Variants in CAMTA1 observed in about 807,000 individuals in gnomAD.
The protein encoded by CAMTA1 is calmodulin binding transcription activator 1.
In CAMTA1, 27 loss-of-function variants were observed where a neutral mutation model predicts 170.9. The observed-to-expected ratio is 0.16, with a 90% confidence interval of 0.12 to 0.22. The LOEUF (loss-of-function observed/expected upper bound fraction) is 0.22, where lower values mean the gene tolerates loss of function less well. Among genes scored for constraint, CAMTA1 ranks in the 10% least tolerant of loss-of-function variants. CAMTA1 has a pLI of 1.00. For synonymous variants in CAMTA1, 833 were observed against 891.5 expected, an observed-to-expected ratio of 0.93 and a Z score of 1.17; for missense variants, 1,619 against 2,217.2, an observed-to-expected ratio of 0.73 and a Z score of 5.42.
intron 3 of CAMTA1, among the ~76,000 whole-genome samples, chr1:6,868,969 A>G (rs960982185): frequency 1.1e-4 from 17 of 152,190 alleles, no homozygotes; most frequent in African/African-American, 4.1e-4. Flanking sequence ...CTTACTAGTT[A>G]CAAAGAGACA....
intron 6 of CAMTA1, among the ~76,000 whole-genome samples, chr1:7,599,370 G>A (rs1349007597): frequency 3.9e-5 from 6 of 152,184 alleles, no homozygotes; most frequent in African/African-American, 1.4e-4. Flanking sequence ...AAGTCAGGTA[G>A]CGTGATGCCT....
At chr1:7,476,171 G>A (rs1374041680) in intron 6 of CAMTA1, among the ~76,000 whole-genome samples, 2 of 152,196 alleles carry the variant, frequency 1.3e-5, no homozygotes, top group Admixed American at 6.5e-5. Flanking sequence ...CTTGGACCTC[G>A]GCAGGGGACA....
At chr1:7,266,232 T>C (rs1444877872) in intron 5 of CAMTA1, among the ~76,000 whole-genome samples, 6 of 152,162 alleles carry the variant, frequency 3.9e-5, no homozygotes, top group South Asian at 4.1e-4. Context: ...CATGGTTCAG[T>C]TGCGGCCAGA....
intron 3 of CAMTA1, among the ~76,000 whole-genome samples, chr1:6,976,829 G>A (rs1339405336): frequency 6.6e-6 from 1 of 152,208 alleles, no homozygotes; most frequent in Non-Finnish European, 1.5e-5. Context: ...CACTTGTTGT[G>A]GGAGGGACTC....
chr1:6,791,553 T>C (rs768220771), intron 1 of CAMTA1, among the ~76,000 whole-genome samples: 3 of 152,314 alleles, frequency 2.0e-5, no homozygotes, highest in Non-Finnish European at 4.4e-5. Context: ...CACAGCCAAG[T>C]ATATTATTTC....
chr1:6,861,903 T>C (rs1664833096), intron 3 of CAMTA1, among the ~76,000 whole-genome samples: 1 of 151,868 alleles, frequency 6.6e-6, no homozygotes, highest in Non-Finnish European at 1.5e-5. Context: ...CCTTTTACTG[T>C]CTGTCTGTAT....
At chr1:7,117,441 C>A (rs142764431) in intron 4 of CAMTA1, among the ~76,000 whole-genome samples, 5 of 152,268 alleles carry the variant, frequency 3.3e-5, no homozygotes, top group African/African-American at 1.2e-4. Flanking sequence ...GTAATGAGCA[C>A]CTGTGGCCCG....
At chr1:7,458,977 C>A (rs1238748476) in intron 5 of CAMTA1, among the ~76,000 whole-genome samples, 1 of 152,238 alleles carries the variant, frequency 6.6e-6, no homozygotes, top group Non-Finnish European at 1.5e-5. Context: ...TGAATTGAAT[C>A]ATTTGGTCTA....
intron 6 of CAMTA1, among the ~76,000 whole-genome samples, chr1:7,486,056 A>G (rs548754078): frequency 6.6e-6 from 1 of 152,338 alleles, no homozygotes; most frequent in South Asian, 2.1e-4. Flanking sequence ...TCCAGAAGTG[A>G]CGTTTGCATA....
At chr1:6,891,454 C>G (rs1485634145) in intron 3 of CAMTA1, among the ~76,000 whole-genome samples, 5 of 152,204 alleles carry the variant, frequency 3.3e-5, no homozygotes, top group African/African-American at 1.2e-4. Context: ...TGCCCTGTGT[C>G]TGTGGTCATT....
At chr1:7,675,663 T>G (rs962428452) in intron 10 of CAMTA1, among the ~76,000 whole-genome samples, 1 of 152,080 alleles carries the variant, frequency 6.6e-6, no homozygotes, top group Non-Finnish European at 1.5e-5. Context: ...GCGCTGATGT[T>G]GCCTTCGACA....
intron 4 of CAMTA1, among the ~76,000 whole-genome samples, chr1:7,156,246 C>T (rs999347470): frequency 2.7e-5 from 4 of 149,874 alleles, no homozygotes; most frequent in Non-Finnish European, 5.9e-5. Flanking sequence ...TGCACTGCAG[C>T]CTGGGCAACA....
intron 3 of CAMTA1, among the ~76,000 whole-genome samples, chr1:7,079,623 C>T (rs979190707): frequency 6.6e-6 from 1 of 151,982 alleles, no homozygotes. Flanking sequence ...AGGCACACAC[C>T]ATCACGCCTG....
intron 3 of CAMTA1, among the ~76,000 whole-genome samples, chr1:6,869,151 G>A (rs1472601155): frequency 2.0e-5 from 3 of 152,202 alleles, no homozygotes; most frequent in Non-Finnish European, 2.9e-5. Context: ...ATAGTCATGA[G>A]CTGACTGTGC....
intron 3 of CAMTA1, among the ~76,000 whole-genome samples, chr1:6,980,520 T>C (rs1225327502): frequency 6.6e-6 from 1 of 152,158 alleles, no homozygotes; most frequent in African/African-American, 2.4e-5. Context: ...TGTTAGGTTA[T>C]ACAGTGATTT....
At chr1:6,926,394 TCCTC>T (rs1571773266) in intron 3 of CAMTA1, among the ~76,000 whole-genome samples, 3 of 146,928 alleles carry the variant, frequency 2.0e-5, no homozygotes, top group African/African-American at 5.0e-5. Context: ...CTGTCTTCCT[TCCTC>T]CCTCCCTCCT....
rs1476317364 is a variant in CAMTA1 at position 7,677,697 on chromosome 1, C to T, written c.2878C>T (p.Leu960Phe). 3 of 1,614,128 alleles carry T rather than the reference C, an allele frequency of 1.9e-6. No homozygotes were observed. Among genetic ancestry groups the T allele is most frequent in the South Asian group, 2.2e-5 (2 of 91,068 alleles). ...FEYKARALPT[L>F]PSSQHDWLSL... is the part of the protein sequence containing the mutation. ...GTACAAAGCCCGGGCTCTGCCCACG[C>T]TCCCTTCCTCCCAGCACGACTGGCT... The change falls in exon 11 of 23, where the codon CTC becomes TTC. Residue 960 changes from leucine to phenylalanine, a missense_variant. Leu to Phe is a conservative substitution (Grantham distance 22). Coordinates refer to ENST00000303635, the MANE Select transcript of CAMTA1 (RefSeq NM_015215.4).
chr1:7,692,008 G>T (rs1364652394), intron 11 of CAMTA1, among the ~76,000 whole-genome samples: 2 of 151,396 alleles, frequency 1.3e-5, no homozygotes, highest in Non-Finnish European at 2.9e-5. Flanking sequence ...AAGGAGGGAG[G>T]TACAGATGGC....
At chr1:7,288,739 A>G (rs1672692356) in intron 5 of CAMTA1, among the ~76,000 whole-genome samples, 1 of 152,222 alleles carries the variant, frequency 6.6e-6, no homozygotes, top group Non-Finnish European at 1.5e-5. Flanking sequence ...AGTGATGAGC[A>G]GAAGCCAGAA....
Sources: gnomAD v4.1 joint callset for allele counts (sites outside exome capture counted in the v4.1 genomes callset) on GRCh38, gnomAD v4.1.1 for gene constraint, MANE v1.5 for transcripts, NCBI Gene and HGNC (gene_info 2026-07-23, HGNC 2026-07-21) for gene names.